Variants in GRIK2 observed in about 807,000 individuals in gnomAD.
The protein encoded by GRIK2 is glutamate receptor ionotropic, kainate 2.
Under a neutral mutation model 100.3 loss-of-function variants are expected in GRIK2, and 32 were observed. The observed-to-expected ratio is 0.32, with a 90% CI of 0.24 to 0.43. GRIK2 has a LOEUF of 0.43. Ranked by LOEUF, GRIK2 falls within the 20% of genes least tolerant of loss-of-function variation. The pLI is 1.00. For missense variants in GRIK2, 843 were observed against 1,114.9 expected (o/e 0.76, Z 3.47); for synonymous variants, 417 against 389.4 (o/e 1.07, Z -0.83).
chr6:101,705,594 TGTG>T (rs1174456511), intron 7 of GRIK2, among the ~76,000 whole-genome samples: 3 of 151,926 alleles, frequency 2.0e-5, no homozygotes, highest in South Asian at 4.1e-4. Context: ...TACATGTACA[TGTG>T]GTGGAATTTT....
At chr6:101,575,843 T>C (rs1482084857) in intron 2 of GRIK2, among the ~76,000 whole-genome samples, 1 of 152,020 alleles carries the variant, frequency 6.6e-6, no homozygotes, top group African/African-American at 2.4e-5. Context: ...TATTTCTGTT[T>C]CCATTCATGC....
rs189870775 is a variant in GRIK2, at chr6:101,699,633, T to C, written c.951+13280T>C. Among the ~76,000 whole-genome samples the C allele has an allele frequency of 1.0e-3, 155 of 152,264 alleles. 1 individual carries two copies. The highest frequency in any genetic ancestry group is 3.6e-3 in the African/African-American group (149 of 41,570). On this transcript the variant is annotated intron_variant, in intron 7 of 16. Transcript: ENST00000369134. ...GTTTCTTTGATTCTTTGTAAATTTT[T>C]CCACTTTCTTTCTAGCAACTTTCAA...
chr6:101,977,231 C>CTATGTTATGT (rs58581420), intron 14 of GRIK2, among the ~76,000 whole-genome samples: 6,534 of 146,502 alleles, frequency 0.045, 234 homozygotes, highest in African/African-American at 0.093. Flanking sequence ...TTATTAGTGG[C>CTATGTTATGT]TATGTTATGT....
At chr6:101,806,764 T>C (rs1781035007) in intron 9 of GRIK2, among the ~76,000 whole-genome samples, 1 of 151,874 alleles carries the variant, frequency 6.6e-6, no homozygotes, top group Admixed American at 6.6e-5. Context: ...ATCCTGGTAG[T>C]ATCATCTTAA....
At chr6:101,889,513 A>C (rs1240407441) in intron 11 of GRIK2, 127 bp from the exon 12 acceptor site, 2 of 582,710 alleles carry the variant, frequency 3.4e-6, no homozygotes, top group Non-Finnish European at 6.0e-6. Context: ...ATCGTTACTG[A>C]GGCAATTAAG....
At chr6:101,571,879 C>T (rs1777552591) in intron 2 of GRIK2, among the ~76,000 whole-genome samples, 1 of 152,048 alleles carries the variant, frequency 6.6e-6, no homozygotes, top group African/African-American at 2.4e-5. Flanking sequence ...CAGAACATAT[C>T]TGTATATAAC....
chr6:101,776,058 T>A (rs1778728436), intron 7 of GRIK2, among the ~76,000 whole-genome samples: 1 of 152,216 alleles, frequency 6.6e-6, no homozygotes, highest in East Asian at 1.9e-4. Context: ...GGAGGTAAAA[T>A]GCTGTAATAT....
intron 2 of GRIK2, among the ~76,000 whole-genome samples, chr6:101,526,191 C>A (rs1008603229): frequency 3.3e-5 from 5 of 152,086 alleles, no homozygotes; most frequent in Admixed American, 6.6e-5. Context: ...AAAGAAAAAA[C>A]CTTAATCACT....
At chr6:101,862,764 A>T (rs139797351) in intron 11 of GRIK2, among the ~76,000 whole-genome samples, 11 of 152,194 alleles carry the variant, frequency 7.2e-5, no homozygotes, top group Admixed American at 6.5e-5. Context: ...GGAAACTCAT[A>T]GTTTGATACA....
intron 14 of GRIK2, among the ~76,000 whole-genome samples, chr6:102,020,973 C>G (rs1219705785): frequency 6.6e-6 from 1 of 151,636 alleles, no homozygotes; most frequent in African/African-American, 2.4e-5. Flanking sequence ...TGAGAATATT[C>G]ATATAAAAAG....
intron 14 of GRIK2, among the ~76,000 whole-genome samples, chr6:102,017,618 G>A (rs1395961891): frequency 1.3e-5 from 2 of 151,892 alleles, no homozygotes; most frequent in African/African-American, 4.8e-5. Context: ...CACTTTTTCT[G>A]CCCCTTTCTG....
At chr6:101,862,410 C>T (rs1332025946) in intron 11 of GRIK2, among the ~76,000 whole-genome samples, 1 of 152,040 alleles carries the variant, frequency 6.6e-6, no homozygotes, top group Non-Finnish European at 1.5e-5. Flanking sequence ...CAGCATTTCT[C>T]AAATACATTT....
At chr6:102,054,329 G>A (rs922446994) in intron 15 of GRIK2, among the ~76,000 whole-genome samples, 5 of 152,076 alleles carry the variant, frequency 3.3e-5, no homozygotes, top group Admixed American at 1.3e-4. Flanking sequence ...TTGAATACAA[G>A]CTGAAATGTT....
intron 10 of GRIK2, among the ~76,000 whole-genome samples, chr6:101,855,154 A>G (rs1278102763): frequency 6.6e-6 from 1 of 152,148 alleles, no homozygotes; most frequent in Non-Finnish European, 1.5e-5. Context: ...GGAGAGAGAA[A>G]GGTAAGTTTT....
At chr6:101,988,659 G>A (rs1794185189) in intron 14 of GRIK2, among the ~76,000 whole-genome samples, 2 of 151,920 alleles carry the variant, frequency 1.3e-5, no homozygotes, top group South Asian at 4.1e-4. Flanking sequence ...ATGGATGCCA[G>A]GGGTCTAACC....
intron 2 of GRIK2, among the ~76,000 whole-genome samples, chr6:101,531,198 A>G (rs1303154578): frequency 1.3e-5 from 2 of 151,968 alleles, no homozygotes; most frequent in African/African-American, 4.8e-5. Flanking sequence ...GTCAAGTCCC[A>G]TCTTTTCCTT....
intron 16 of GRIK2, among the ~76,000 whole-genome samples, chr6:102,061,115 A>T (rs1771728685): frequency 6.6e-6 from 1 of 150,584 alleles, no homozygotes. Flanking sequence ...TGAGGTGTCA[A>T]TCTTCATTTT....
intron 12 of GRIK2, among the ~76,000 whole-genome samples, chr6:101,912,549 A>G (rs75139680): frequency 0.086 from 13,086 of 151,586 alleles, 776 homozygotes; most frequent in Middle Eastern, 0.2. Context: ...TGCACATTTA[A>G]AAGCAGTGCT....
intron 12 of GRIK2, among the ~76,000 whole-genome samples, chr6:101,900,473 A>AT (rs907871922): frequency 1.3e-5 from 2 of 152,060 alleles, no homozygotes; most frequent in Non-Finnish European, 2.9e-5. Context: ...ACAACTACAA[A>AT]ATATATATTT....
Sources: allele counts gnomAD v4.1 joint callset (sites outside exome capture counted in the v4.1 genomes callset), GRCh38; gene constraint gnomAD v4.1.1; transcripts MANE v1.5; gene names NCBI Gene and HGNC (gene_info 2026-07-23, HGNC 2026-07-21).